Variants in MECOM observed in about 807,000 individuals in gnomAD.
MECOM encodes histone-lysine N-methyltransferase MECOM.
In MECOM, 13 loss-of-function variants were observed where a neutral mutation model predicts 116.3. The observed-to-expected ratio is 0.11, with a 90% CI of 0.07 to 0.18. MECOM has a LOEUF of 0.18. Among genes scored for constraint, MECOM ranks in the 10% least tolerant of loss-of-function variants. MECOM has a pLI of 1.00. For synonymous variants in MECOM, 528 were observed against 535.2 expected, an observed-to-expected ratio of 0.99 and a Z score of 0.19; for missense variants, 1,299 against 1,509.0, an observed-to-expected ratio of 0.86 and a Z score of 2.31.
chr3:169,231,554 A>G (rs1419242211), intron 2 of MECOM, among the ~76,000 whole-genome samples: 1 of 152,132 alleles, frequency 6.6e-6, no homozygotes, highest in Non-Finnish European at 1.5e-5. Context: ...AGCTGTAGTC[A>G]GAGAAAACAG....
chr3:169,516,431 C>A (rs995052183), intron 1 of MECOM, among the ~76,000 whole-genome samples: 2 of 152,110 alleles, frequency 1.3e-5, no homozygotes, highest in African/African-American at 4.8e-5. Flanking sequence ...CTATGAATAG[C>A]GTACTCAATT....
intron 1 of MECOM, among the ~76,000 whole-genome samples, chr3:169,442,345 C>T (rs936285587): frequency 6.6e-6 from 1 of 152,198 alleles, no homozygotes; most frequent in Non-Finnish European, 1.5e-5. Flanking sequence ...AGGGTGTAAG[C>T]CACCTTGCCC....
At chr3:169,479,108 C>T (rs185143591) in intron 1 of MECOM, among the ~76,000 whole-genome samples, 4 of 152,266 alleles carry the variant, frequency 2.6e-5, no homozygotes, top group Admixed American at 2.0e-4. Flanking sequence ...CATTAGCCAA[C>T]ATCTACCAAG....
intron 2 of MECOM, among the ~76,000 whole-genome samples, chr3:169,180,545 A>T (rs1234150674): frequency 6.6e-6 from 1 of 151,904 alleles, no homozygotes; most frequent in African/African-American, 2.4e-5. Flanking sequence ...CCTTTCCTTG[A>T]TCACCTCCTC....
intron 2 of MECOM, among the ~76,000 whole-genome samples, chr3:169,259,621 C>A (rs1020253318): frequency 6.6e-6 from 1 of 152,012 alleles, no homozygotes; most frequent in Non-Finnish European, 1.5e-5. Context: ...TCCAGCCACT[C>A]GGGAGGCTGA....
intron 2 of MECOM, among the ~76,000 whole-genome samples, chr3:169,351,302 G>A (rs1726280091): frequency 6.6e-6 from 1 of 151,560 alleles, no homozygotes; most frequent in Non-Finnish European, 1.5e-5. Context: ...TAATTATTAA[G>A]GAAAAATCAA....
intron 2 of MECOM, among the ~76,000 whole-genome samples, chr3:169,321,715 G>C (rs1720898187): frequency 6.6e-6 from 1 of 152,122 alleles, no homozygotes; most frequent in Non-Finnish European, 1.5e-5. Context: ...CGTGGTCAGG[G>C]AGGACTTGCT....
rs1240914565 is a variant in MECOM, at chr3:169,251,461, GAGCC to G, written c.376-107633_376-107630del. ...TTGTTTAGTTATCTCTCAGTTCTGT[GAGCC>G]GAAGTCTACTCCCAGCTAGACATGC... On this transcript the variant is annotated intron_variant, in intron 2 of 16. Coordinates refer to ENST00000651503, the MANE Select transcript of MECOM (RefSeq NM_004991.4). Among the ~76,000 whole-genome samples, 5 of 152,266 alleles carry G rather than the reference GAGCC, an allele frequency of 3.3e-5. No individual in the cohort carries two copies. The East Asian group carries it at 9.7e-4, about 29-fold the overall frequency.
At chr3:169,309,650 T>C (rs1718366715) in intron 2 of MECOM, among the ~76,000 whole-genome samples, 1 of 152,246 alleles carries the variant, frequency 6.6e-6, no homozygotes, top group African/African-American at 2.4e-5. Flanking sequence ...TTTCCATATC[T>C]GCCTCAACTC....
At chr3:169,515,477 T>A (rs1756512306) in intron 1 of MECOM, among the ~76,000 whole-genome samples, 1 of 152,180 alleles carries the variant, frequency 6.6e-6, no homozygotes, top group Non-Finnish European at 1.5e-5. Flanking sequence ...ATTTAGCAGG[T>A]AATGGAGTTA....
chr3:169,212,400 G>T (rs982592337), intron 2 of MECOM, among the ~76,000 whole-genome samples: 1 of 151,062 alleles, frequency 6.6e-6, no homozygotes, highest in Non-Finnish European at 1.5e-5. Flanking sequence ...TCCAATGCCT[G>T]CAGGACAGAG....
intron 2 of MECOM, among the ~76,000 whole-genome samples, chr3:169,346,608 G>A (rs1293500857): frequency 1.3e-5 from 2 of 151,428 alleles, no homozygotes; most frequent in African/African-American, 4.9e-5. Context: ...GCCACAGGGG[G>A]AAAAAATGCA....
chr3:169,443,869 G>A (rs772887856), intron 1 of MECOM, among the ~76,000 whole-genome samples: 101 of 152,184 alleles, frequency 6.6e-4, no homozygotes, highest in Non-Finnish European at 1.1e-3. Flanking sequence ...GAGGACAGAA[G>A]AGGACTCTCA....
intron 2 of MECOM, among the ~76,000 whole-genome samples, chr3:169,229,834 T>C (rs1262521200): frequency 1.3e-5 from 2 of 152,182 alleles, no homozygotes; most frequent in African/African-American, 4.8e-5. Flanking sequence ...GGGTTATTTC[T>C]CTATTCTTTC....
chr3:169,515,597 C>T (rs1038836900), intron 1 of MECOM, among the ~76,000 whole-genome samples: 5 of 152,106 alleles, frequency 3.3e-5, no homozygotes, highest in African/African-American at 1.2e-4. Context: ...GAATGAGTTA[C>T]ACAGGAGGCA....
intron 1 of MECOM, among the ~76,000 whole-genome samples, chr3:169,610,342 G>C (rs1201805093): frequency 6.6e-6 from 1 of 152,122 alleles, no homozygotes; most frequent in Non-Finnish European, 1.5e-5. Flanking sequence ...GGAAGAATAT[G>C]ATAATGATAA....
chr3:169,199,627 C>G (rs1393943595), intron 2 of MECOM, among the ~76,000 whole-genome samples: 1 of 151,914 alleles, frequency 6.6e-6, no homozygotes, highest in African/African-American at 2.4e-5. Flanking sequence ...TTAGGCATAC[C>G]TCCCTAAAAA....
chr3:169,305,565 A>G (rs932988562), intron 2 of MECOM, among the ~76,000 whole-genome samples: 4 of 152,214 alleles, frequency 2.6e-5, no homozygotes, highest in African/African-American at 9.7e-5. Flanking sequence ...AGATAATGGT[A>G]AACTTATGCA....
rs559025679 is a variant in MECOM at position 169,574,059 on chromosome 3, T to C, written c.37+89277A>G. Among the ~76,000 whole-genome samples, 25 of 152,362 alleles carry C rather than the reference T, an allele frequency of 1.6e-4. 1 individual carries two copies. In the South Asian group the frequency reaches 2.1e-3, roughly 13 times the overall value. On this transcript the variant is annotated intron_variant, in intron 1 of 16. Coordinates refer to ENST00000651503, the MANE Select transcript of MECOM (RefSeq NM_004991.4). The stretch of plus-strand genomic sequence containing the variant: ...ATTCAAATTTATACAACTCCATACA[T>C]TTTTATGCTGTTTATTTGAAAATTA...
Sources: gnomAD v4.1 joint callset for allele counts (sites outside exome capture counted in the v4.1 genomes callset) on GRCh38, gnomAD v4.1.1 for gene constraint, MANE v1.5 for transcripts, NCBI Gene and HGNC (gene_info 2026-07-23, HGNC 2026-07-21) for gene names.